The following TMEM74 variants were observed in gnomAD, a reference collection of about 807,000 sequenced individuals.
TMEM74 encodes the protein transmembrane protein 74.
A neutral mutation model predicts 18.1 loss-of-function variants in TMEM74; 13 were observed. The ratio of observed to expected loss-of-function variants is 0.72; its 90% CI spans 0.47 to 1.14. The LOEUF (loss-of-function observed/expected upper bound fraction) is 1.14, where lower values mean the gene tolerates loss of function less well. TMEM74 is among the 50% of genes most tolerant of loss of function. TMEM74 has a pLI of 0.00. For missense variants in TMEM74, 372 were observed against 375.9 expected, an observed-to-expected ratio of 0.99 and a Z score of 0.09; for synonymous variants, 159 against 146.6, an observed-to-expected ratio of 1.08 and a Z score of -0.61.
chr8:108,682,265 T>C (rs1156262971), intron 1 of TMEM74, among the ~76,000 whole-genome samples: 1 of 152,054 alleles, frequency 6.6e-6, no homozygotes, highest in African/African-American at 2.4e-5. Flanking sequence ...GGCTTTTGCA[T>C]ATGCTATTCT....
At chr8:108,695,429 T>A (rs957655809) in intron 1 of TMEM74, among the ~76,000 whole-genome samples, 1 of 152,212 alleles carries the variant, frequency 6.6e-6, no homozygotes, top group Admixed American at 6.5e-5. Context: ...AAGGACCTTA[T>A]ATAGACCAGA....
chr8:108,736,887 T>C (rs1313587359), intron 1 of TMEM74, among the ~76,000 whole-genome samples: 2 of 152,086 alleles, frequency 1.3e-5, no homozygotes, highest in Non-Finnish European at 2.9e-5. Context: ...AACAGGGACA[T>C]AGATTTGTAG....
At position 108,714,666 on chromosome 8, in the gene TMEM74, C is replaced by G. The variant is rs930463800; in HGVS notation, n.120-59229G>C. Among the ~76,000 whole-genome samples the G allele has an allele frequency of 2.0e-5, 3 of 152,114 alleles. No individual in the cohort carries two copies. The East Asian group carries it at 5.8e-4, about 29-fold the overall frequency. On this transcript the variant is annotated intron_variant and non_coding_transcript_variant, in intron 1 of 3. Transcript: ENST00000518838. Reference sequence around the variant, plus strand: ...AGAACTACCAGTTGAACCAATAATCCCATTACTCTATGAATATCCAAAGGA... The same window carrying G: ...AGAACTACCAGTTGAACCAATAATCGCATTACTCTATGAATATCCAAAGGA...
chr8:108,746,511 T>C (rs188309234), intron 1 of TMEM74, among the ~76,000 whole-genome samples: 4 of 152,268 alleles, frequency 2.6e-5, no homozygotes, highest in Admixed American at 2.6e-4. Flanking sequence ...TGTTTATTTA[T>C]GCCTGTGATA....
intron 1 of TMEM74, among the ~76,000 whole-genome samples, chr8:108,773,495 C>A (rs147830807): frequency 6.6e-6 from 1 of 152,158 alleles, no homozygotes; most frequent in African/African-American, 2.4e-5. Flanking sequence ...TCCTTCTTGA[C>A]GCTCCTCCCC....
At chr8:108,620,315 G>A (rs1397208596) in intron 2 of TMEM74, among the ~76,000 whole-genome samples, 1 of 152,048 alleles carries the variant, frequency 6.6e-6, no homozygotes, top group Non-Finnish European at 1.5e-5. Context: ...ATTTCCAGGA[G>A]GTTAATACAA....
chr8:108,742,561 C>A (rs1278863758), intron 1 of TMEM74, among the ~76,000 whole-genome samples: 1 of 152,174 alleles, frequency 6.6e-6, no homozygotes, highest in African/African-American at 2.4e-5. Context: ...AAAGTTGCCT[C>A]ATTTCTTCTG....
chr8:108,757,324 C>T (rs1813986497), intron 1 of TMEM74, among the ~76,000 whole-genome samples: 1 of 151,930 alleles, frequency 6.6e-6, no homozygotes, highest in African/African-American at 2.4e-5. Context: ...TTAATGATAA[C>T]AAATATGTAA....
rs149285996 is a variant in TMEM74, at chr8:108,759,292, A to G, written n.119+28184T>C. 5.3e-5 allele frequency among the ~76,000 whole-genome samples: 8 copies of G among 152,196 alleles called. No individual in the cohort carries two copies. In the East Asian group the frequency reaches 7.7e-4, roughly 15 times the overall value. Reference sequence around the variant, plus strand: ...AGAAAAGTGAACTGTTTCATCTGCTATTGGTGGAAGGGTAAATTCCAATGT... The same window carrying G: ...AGAAAAGTGAACTGTTTCATCTGCTGTTGGTGGAAGGGTAAATTCCAATGT... On this transcript the variant is annotated intron_variant and non_coding_transcript_variant, in intron 1 of 3. Coordinates refer to the TMEM74 transcript ENST00000518838.
chr8:108,786,960 T>C (rs1814392973), intron 1 of TMEM74, among the ~76,000 whole-genome samples: 1 of 152,158 alleles, frequency 6.6e-6, no homozygotes, highest in South Asian at 2.1e-4. Context: ...AGCAGCACAG[T>C]CGATTTCCTT....
chr8:108,740,917 A>T (rs1194616761), intron 1 of TMEM74, among the ~76,000 whole-genome samples: 2 of 152,214 alleles, frequency 1.3e-5, no homozygotes, highest in Admixed American at 1.3e-4. Context: ...GTATTGGAAG[A>T]AAAGCTGGAA....
At chr8:108,765,639 C>A (rs1025011127) in intron 1 of TMEM74, among the ~76,000 whole-genome samples, 2 of 152,022 alleles carry the variant, frequency 1.3e-5, no homozygotes, top group Middle Eastern at 3.4e-3. Flanking sequence ...AAACTCCTGA[C>A]CTCAAGTGAT....
chr8:108,708,369 TAAAC>T (rs1442900100), intron 1 of TMEM74, among the ~76,000 whole-genome samples: 1 of 152,038 alleles, frequency 6.6e-6, no homozygotes, highest in Non-Finnish European at 1.5e-5. Flanking sequence ...TCTTTATGGT[TAAAC>T]AATTTATAGT....
At chr8:108,745,476 T>C (rs541381999) in intron 1 of TMEM74, among the ~76,000 whole-genome samples, 1 of 152,310 alleles carries the variant, frequency 6.6e-6, no homozygotes, top group African/African-American at 2.4e-5. Context: ...CATTTACATA[T>C]GTAAAAGTCA....
intron 2 of TMEM74, among the ~76,000 whole-genome samples, chr8:108,636,901 G>A (rs1812612309): frequency 1.3e-5 from 2 of 152,006 alleles, no homozygotes; most frequent in Non-Finnish European, 2.9e-5. Flanking sequence ...GAAAGGAAAG[G>A]AAAGTTTGTC....
At chr8:108,705,304 A>G (rs112666967) in intron 1 of TMEM74, among the ~76,000 whole-genome samples, 4,540 of 152,280 alleles carry the variant, frequency 0.03, 127 homozygotes, top group African/African-American at 0.067. Flanking sequence ...AAGGAAGGTT[A>G]TTTATCTGTG....
intron 2 of TMEM74, among the ~76,000 whole-genome samples, chr8:108,609,982 A>G (rs911327469): frequency 1.1e-4 from 16 of 152,234 alleles, no homozygotes; most frequent in Non-Finnish European, 1.6e-4. Flanking sequence ...TAGTAAGAAA[A>G]TAAACGGGCC....
chr8:108,695,381 A>G (rs1051974398), intron 1 of TMEM74, among the ~76,000 whole-genome samples: 1 of 152,248 alleles, frequency 6.6e-6, no homozygotes, highest in African/African-American at 2.4e-5. Context: ...GCACTTGGGT[A>G]CTTACCTTGC....
chr8:108,695,151 A>T lies in TMEM74; in HGVS notation n.120-39714T>A, dbSNP rs193059802. On this transcript the variant is annotated intron_variant and non_coding_transcript_variant, in intron 1 of 3. Transcript: ENST00000518838. Reference sequence around the variant, plus strand: ...AGCTGGCATGAGCTGCAACAGCAACAGTGCTTTGTGCTGCACCAATCTTCT... The same window carrying T: ...AGCTGGCATGAGCTGCAACAGCAACTGTGCTTTGTGCTGCACCAATCTTCT... Among the ~76,000 whole-genome samples the T allele has an allele frequency of 2.1e-4, 32 of 152,320 alleles. No homozygotes were observed. In the East Asian group the frequency reaches 3.7e-3, roughly 17 times the overall value.
Sources: gnomAD v4.1 joint callset for allele counts (sites outside exome capture counted in the v4.1 genomes callset) on GRCh38, gnomAD v4.1.1 for gene constraint, MANE v1.5 for transcripts, NCBI Gene and HGNC (gene_info 2026-07-23, HGNC 2026-07-21) for gene names.